The following CRY2 variants were observed in gnomAD, a reference collection of about 807,000 sequenced individuals.
CRY2 encodes the protein cryptochrome-2.
A neutral mutation model predicts 69.5 loss-of-function variants in CRY2; 31 were observed. The observed-to-expected ratio is 0.45, with a 90% CI of 0.34 to 0.60. CRY2 has a LOEUF of 0.60. Ranked by LOEUF, CRY2 falls within the 20% of genes least tolerant of loss-of-function variation. CRY2 has a pLI of 0.02. For synonymous variants in CRY2, 303 were observed against 312.2 expected, an observed-to-expected ratio of 0.97 and a Z score of 0.31; for missense variants, 606 against 797.8, an observed-to-expected ratio of 0.76 and a Z score of 2.90.
intron 5 of CRY2, among the ~76,000 whole-genome samples, chr11:45,862,871 G>T (rs2086299622): frequency 6.6e-6 from 1 of 152,182 alleles, no homozygotes; most frequent in African/African-American, 2.4e-5. Context: ...TCACTCCCCT[G>T]CAGCTAGAGG....
At chr11:45,859,828 AC>A (rs1397323220) in intron 3 of CRY2, among the ~76,000 whole-genome samples, 2 of 150,808 alleles carry the variant, frequency 1.3e-5, no homozygotes, top group African/African-American at 4.9e-5. Context: ...GCCGCTCCCC[AC>A]CCCCACTTCC....
intron 11 of CRY2, among the ~76,000 whole-genome samples, chr11:45,880,278 C>T (rs2086461102): frequency 6.6e-6 from 1 of 152,218 alleles, no homozygotes. Flanking sequence ...GTGACAGGCG[C>T]ACTCTGTCCT....
At position 45,847,495 on chromosome 11, in the gene CRY2, C is replaced by T. The variant is rs761411752; in HGVS notation, c.5C>T (p.Ala2Val). 2 of 1,598,008 alleles carry T rather than the reference C, an allele frequency of 1.3e-6. No homozygotes were observed. Among genetic ancestry groups the T allele is most frequent in the Admixed American group, 1.7e-5 (1 of 58,744 alleles). The change falls in exon 1 of 12, where the codon GCG becomes GTG. Residue 2 changes from alanine (A) to valine (V), a missense_variant. Around this residue, in one of 5 missense-constraint regions of CRY2, gnomAD observed 45 missense variants for 35.7 expected, o/e 1.26. Transcript: ENST00000616080. M[A>V]ATVATAAAVA... is the part of the protein sequence containing the mutation. ...GCTGGAGCAGTCTGGACAGTCATGG[C>T]GGCGACTGTGGCGACGGCGGCAGCT...
chr11:45,859,036 G>A (rs1273037115), intron 3 of CRY2, among the ~76,000 whole-genome samples, 163 bp downstream of exon 3: 3 of 152,162 alleles, frequency 2.0e-5, no homozygotes, highest in Non-Finnish European at 2.9e-5. Flanking sequence ...AGGACCTGTA[G>A]AACAGGTCAC....
At position 45,847,670 on chromosome 11, in the gene CRY2, C is replaced by T. The variant is rs1431550247; in HGVS notation, c.180C>T (p.Phe60=). The T allele has an allele frequency of 1.9e-6, 3 of 1,589,210 alleles. No individual in the cohort carries two copies. The highest frequency in any genetic ancestry group is 1.1e-5 in the South Asian group (1 of 87,716). The change falls in exon 1 of 12, where the codon TTC becomes TTT. Residue 60 remains phenylalanine (F), a synonymous_variant. Coordinates refer to ENST00000616080, the MANE Select transcript of CRY2 (RefSeq NM_021117.5). ...GCGTTTACATTCTCGACCCGTGGTT[C>T]GCGGCCTCCTCCTCAGTCGGGATCA... The part of the protein sequence containing the change: ...VRCVYILDPW[F]AASSSVGINR...
At position 45,848,388 on chromosome 11, in the gene CRY2, C is replaced by G. The variant is rs558783784; in HGVS notation, c.215+683C>G. 5.8e-4 allele frequency among the ~76,000 whole-genome samples: 89 copies of G among 152,274 alleles called. No individual in the cohort carries two copies. In the South Asian group the frequency reaches 0.017, roughly 30 times the overall value. ...TCTCCAAAATGTTTTAAGCCCTGCTCTGGAGCTTTGACCTCGATAGAAAAA... is the reference window on the plus strand; with the variant it reads ...TCTCCAAAATGTTTTAAGCCCTGCTGTGGAGCTTTGACCTCGATAGAAAAA... On this transcript the variant is annotated intron_variant, in intron 1 of 11. Coordinates refer to ENST00000616080, the MANE Select transcript of CRY2 (RefSeq NM_021117.5).
chr11:45,865,936 G>A (rs1248274972), intron 5 of CRY2, among the ~76,000 whole-genome samples: 1 of 152,222 alleles, frequency 6.6e-6, no homozygotes, highest in Non-Finnish European at 1.5e-5. Context: ...GTGGACGCAG[G>A]GAGGCCAGTC....
At chr11:45,861,803 C>T in intron 4 of CRY2, 1 of 452,628 alleles carries the variant, frequency 2.2e-6, no homozygotes. Flanking sequence ...GCCAGCTAAT[C>T]TGAAAAGGCA....
intron 10 of CRY2, among the ~76,000 whole-genome samples, 174 bp downstream of exon 10, chr11:45,871,108 AAAAG>A (rs1484143279): frequency 6.6e-6 from 1 of 152,230 alleles, no homozygotes; most frequent in Non-Finnish European, 1.5e-5. Context: ...GCTTTGGAGG[AAAAG>A]AAAGTTGAGT....
chr11:45,870,323 A>T lies in CRY2; in HGVS notation c.1347-7A>T. The T allele has an allele frequency of 6.2e-7, 1 of 1,614,104 alleles. No homozygotes were observed. Among genetic ancestry groups the T allele is most frequent in the Non-Finnish European group, 8.5e-7 (1 of 1,180,018 alleles). ...GCTGATGGGTCATCTGGTGTATCTT[A>T]TTTCAGGCGATACCTGCCCAAATTG... On this transcript the variant is annotated splice_region_variant and splice_polypyrimidine_tract_variant and intron_variant, in intron 8 of 11. Coordinates refer to ENST00000616080, the MANE Select transcript of CRY2 (RefSeq NM_021117.5).
chr11:45,869,462 A>T (rs2086356821), intron 6 of CRY2, 44 bp from the exon 7 acceptor site: 2 of 1,556,462 alleles, frequency 1.3e-6, no homozygotes, highest in Non-Finnish European at 1.7e-6. Flanking sequence ...CCATGCTAAG[A>T]GCTGGGCGAG....
chr11:45,868,211 T>A (rs1468202858), intron 6 of CRY2, among the ~76,000 whole-genome samples: 1 of 152,056 alleles, frequency 6.6e-6, no homozygotes, highest in Non-Finnish European at 1.5e-5. Flanking sequence ...GAGGGAGTGG[T>A]GTGGAGGGGC....
At chr11:45,856,729 G>C (rs924421338) in intron 2 of CRY2, among the ~76,000 whole-genome samples, 1 of 151,628 alleles carries the variant, frequency 6.6e-6, no homozygotes, top group African/African-American at 2.4e-5. Flanking sequence ...CCGGGAGGCG[G>C]AGCTTTCAGT....
chr11:45,863,788 A>G (rs1325381919), intron 5 of CRY2, among the ~76,000 whole-genome samples: 3 of 151,974 alleles, frequency 2.0e-5, no homozygotes, highest in East Asian at 3.9e-4. Flanking sequence ...GTCCGCTCCC[A>G]GAACTGGAAG....
intron 1 of CRY2, among the ~76,000 whole-genome samples, chr11:45,854,675 C>T (rs569407133): frequency 3.3e-5 from 5 of 152,082 alleles, no homozygotes; most frequent in Admixed American, 6.5e-5. Context: ...GGCGACAGAG[C>T]GAGACTCTGT....
At chr11:45,856,272 T>C in intron 2 of CRY2, 182 bp downstream of exon 2, 1 of 573,118 alleles carries the variant, frequency 1.7e-6, no homozygotes, top group Non-Finnish European at 3.1e-6. Context: ...GAAACTGTGT[T>C]AAGGAAAAAA....
At chr11:45,875,704 A>G (rs2086419970) in intron 11 of CRY2, among the ~76,000 whole-genome samples, 1 of 152,158 alleles carries the variant, frequency 6.6e-6, no homozygotes, top group Non-Finnish European at 1.5e-5. Flanking sequence ...CTTCCCTCCA[A>G]GACAGACTAG....
At chr11:45,855,066 G>C (rs1336019306) in intron 1 of CRY2, among the ~76,000 whole-genome samples, 1 of 152,140 alleles carries the variant, frequency 6.6e-6, no homozygotes, top group African/African-American at 2.4e-5. Flanking sequence ...AAAATAAAAC[G>C]CTGAAGGCAC....
At chr11:45,858,931 C>G (rs1031055194) in intron 3 of CRY2, 58 bp downstream of exon 3, 1 of 1,581,690 alleles carries the variant, frequency 6.3e-7, no homozygotes, top group African/African-American at 1.4e-5. Context: ...AATTTGGGCC[C>G]CTGCTGAGCG....
Sources: allele counts gnomAD v4.1 joint callset (sites outside exome capture counted in the v4.1 genomes callset), GRCh38; gene constraint gnomAD v4.1.1; regional missense constraint gnomAD v4.1.1; transcripts MANE v1.5; gene names NCBI Gene and HGNC (gene_info 2026-07-23, HGNC 2026-07-21).